The following MGAT4C variants were observed in gnomAD, a reference collection of about 807,000 sequenced individuals.
MGAT4C encodes alpha-1,3-mannosyl-glycoprotein 4-beta-N-acetylglucosaminyltransferase C.
In MGAT4C, 19 loss-of-function variants were observed where a neutral mutation model predicts 40.1. The observed-to-expected ratio is 0.47, with a 90% CI of 0.33 to 0.70. The LOEUF (loss-of-function observed/expected upper bound fraction) is 0.70, where lower values mean the gene tolerates loss of function less well. Ranked by LOEUF, MGAT4C falls within the 30% of genes least tolerant of loss-of-function variation. MGAT4C has a pLI of 0.02. For synonymous variants in MGAT4C, 181 were observed against 187.1 expected (o/e 0.97, Z 0.27); for missense variants, 491 against 563.2 (o/e 0.87, Z 1.30).
At position 85,975,768 on chromosome 12, in the gene MGAT4C, C is replaced by G. The variant is rs577859851; in HGVS notation, c.*3521G>C. On this transcript the variant is annotated 3_prime_UTR_variant, in exon 5 of 5. Transcript: ENST00000611864. ...CCCCCCAAAATCAGTTGAATTTGTACAAAACGGTAAATCATTTTATCAGTA... is the reference window on the plus strand; with the variant it reads ...CCCCCCAAAATCAGTTGAATTTGTAGAAAACGGTAAATCATTTTATCAGTA... 1 of 150,826 alleles carries G rather than the reference C, an allele frequency of 6.6e-6. No individual in the cohort carries two copies. Among genetic ancestry groups the G allele is most frequent in the East Asian group, 1.9e-4 (1 of 5,178 alleles). The allele number at this position is 150,826 out of a possible 1,614,324, so 9.3% of individuals were successfully genotyped here.
At chr12:86,654,342 G>T (rs35756461) in intron 2 of MGAT4C, among the ~76,000 whole-genome samples, 17,107 of 136,356 alleles carry the variant, frequency 0.13, 1,666 homozygotes, top group African/African-American at 0.27. Flanking sequence ...AGTTTGTGGG[G>T]TTTTTTTTTT....
At chr12:86,316,370 A>G (rs1954231477) in intron 4 of MGAT4C, among the ~76,000 whole-genome samples, 1 of 152,200 alleles carries the variant, frequency 6.6e-6, no homozygotes, top group South Asian at 2.1e-4. Context: ...TACTGGCTAT[A>G]TATCCAAAAG....
chr12:86,451,162 T>G (rs2136287130), intron 2 of MGAT4C, among the ~76,000 whole-genome samples: 1 of 152,210 alleles, frequency 6.6e-6, no homozygotes, highest in South Asian at 2.1e-4. Context: ...ACCATTCCTG[T>G]TGGTACTGTC....
At chr12:86,760,594 AC>A in intron 1 of MGAT4C, among the ~76,000 whole-genome samples, 1 of 152,268 alleles carries the variant, frequency 6.6e-6, no homozygotes, top group South Asian at 2.1e-4. Context: ...CTTTAGGGAC[AC>A]CGGGCAAGAA....
At chr12:86,422,373 C>G (rs118171256) in intron 3 of MGAT4C, among the ~76,000 whole-genome samples, 1 of 152,090 alleles carries the variant, frequency 6.6e-6, no homozygotes, top group Non-Finnish European at 1.5e-5. Flanking sequence ...TATGAGAAAC[C>G]AATTTATTTT....
chr12:86,511,038 A>AT (rs948405518), intron 2 of MGAT4C, among the ~76,000 whole-genome samples: 6 of 152,100 alleles, frequency 3.9e-5, no homozygotes, highest in Admixed American at 6.6e-5. Flanking sequence ...CAGAATATAC[A>AT]TTTTTTTCAG....
At chr12:86,833,001 G>T (rs1408320084) in intron 1 of MGAT4C, among the ~76,000 whole-genome samples, 1 of 151,844 alleles carries the variant, frequency 6.6e-6, no homozygotes, top group Non-Finnish European at 1.5e-5. Context: ...AAAATATTGA[G>T]GTAGACATTT....
intron 3 of MGAT4C, among the ~76,000 whole-genome samples, chr12:86,389,128 T>A (rs368607795): frequency 6.6e-6 from 1 of 152,182 alleles, no homozygotes; most frequent in African/African-American, 2.4e-5. Context: ...GTTGTACAGA[T>A]TATTTCATCA....
intron 2 of MGAT4C, among the ~76,000 whole-genome samples, chr12:86,712,583 T>C (rs1244730578): frequency 6.6e-6 from 1 of 152,156 alleles, no homozygotes; most frequent in Non-Finnish European, 1.5e-5. Context: ...CTGTGACTCA[T>C]GACGAAACTA....
intron 4 of MGAT4C, among the ~76,000 whole-genome samples, chr12:86,264,924 G>A (rs1592615272): frequency 6.6e-6 from 1 of 152,314 alleles, no homozygotes; most frequent in South Asian, 2.1e-4. Context: ...CTGGATTTTG[G>A]GCACTGACGA....
At chr12:86,162,203 A>G (rs189761630) in intron 1 of MGAT4C, among the ~76,000 whole-genome samples, 1 of 152,306 alleles carries the variant, frequency 6.6e-6, no homozygotes, top group East Asian at 1.9e-4. Context: ...TCACATGCTT[A>G]TTGCTGTACT....
At chr12:86,501,687 T>C (rs1311370362) in intron 2 of MGAT4C, among the ~76,000 whole-genome samples, 1 of 152,134 alleles carries the variant, frequency 6.6e-6, no homozygotes, top group Admixed American at 6.6e-5. Flanking sequence ...TTCCTTTTTA[T>C]GGCTGCATAG....
At chr12:86,665,143 A>G (rs75466244) in intron 2 of MGAT4C, among the ~76,000 whole-genome samples, 12,989 of 152,030 alleles carry the variant, frequency 0.085, 891 homozygotes, top group African/African-American at 0.19. Flanking sequence ...TATTTCAGTT[A>G]ACACTCAAGC....
intron 2 of MGAT4C, among the ~76,000 whole-genome samples, chr12:86,039,590 C>T: frequency 6.6e-6 from 1 of 151,946 alleles, no homozygotes; most frequent in Non-Finnish European, 1.5e-5. Flanking sequence ...TATGTTTTTC[C>T]CTAAACTGGT....
In MGAT4C at chr12:85,964,272, AT is replaced by A; in HGVS notation, c.*15016del. The stretch of plus-strand genomic sequence containing the variant: ...TTCATAGAAATTCTTGGATTTTGAA[AT>A]TAGTTTAATTCCAAAATATTTTCTT... On this transcript the variant is annotated 3_prime_UTR_variant, in exon 5 of 5. Coordinates refer to ENST00000611864, the MANE Select transcript of MGAT4C (RefSeq NM_001351288.2). The A allele has an allele frequency of 6.6e-6, 1 of 152,252 alleles. No individual in the cohort carries two copies. Among genetic ancestry groups the A allele is most frequent in the Non-Finnish European group, 1.5e-5 (1 of 67,958 alleles). 9.4% of individuals were successfully genotyped at this position (152,252 alleles called of 1,614,324 possible). A position where few individuals can be genotyped will look rare whatever the true frequency, so the allele number is the denominator to read the frequency against.
chr12:86,812,590 T>A (rs987097567), intron 1 of MGAT4C, among the ~76,000 whole-genome samples: 3 of 152,142 alleles, frequency 2.0e-5, no homozygotes, highest in Non-Finnish European at 2.9e-5. Context: ...ATGTCTACTT[T>A]ATTAGGCCGT....
intron 1 of MGAT4C, among the ~76,000 whole-genome samples, chr12:86,727,577 T>C (rs769337846): frequency 1.3e-5 from 2 of 151,868 alleles, no homozygotes; most frequent in Non-Finnish European, 2.9e-5. Context: ...AAGATATTAA[T>C]AGTAAAAAAG....
chr12:86,822,543 T>A (rs1952723454), intron 1 of MGAT4C, among the ~76,000 whole-genome samples: 1 of 138,298 alleles, frequency 7.2e-6, no homozygotes, highest in South Asian at 2.4e-4. Flanking sequence ...GGGACAGCTA[T>A]ACTTATATCA....
chr12:86,406,074 T>C (rs1189511684), intron 3 of MGAT4C, among the ~76,000 whole-genome samples: 1 of 146,230 alleles, frequency 6.8e-6, no homozygotes, highest in Non-Finnish European at 1.5e-5. Flanking sequence ...AATTTTTATA[T>C]ATATATAAAA....
Sources: gnomAD v4.1 joint callset for allele counts (sites outside exome capture counted in the v4.1 genomes callset) on GRCh38, gnomAD v4.1.1 for gene constraint, MANE v1.5 for transcripts, NCBI Gene and HGNC (gene_info 2026-07-23, HGNC 2026-07-21) for gene names.